The following SLC9A4 variants were observed in gnomAD, a reference collection of about 807,000 sequenced individuals.
SLC9A4 encodes the protein sodium/hydrogen exchanger 4.
SLC9A4 carries 63 observed loss-of-function variants against 67.4 expected under a neutral mutation model. The observed-to-expected ratio is 0.93, with a 90% confidence interval of 0.76 to 1.15. SLC9A4 has a LOEUF of 1.15. Ranked by LOEUF, SLC9A4 falls within the 50% of genes most tolerant of loss-of-function variation. The pLI is 0.00. For missense variants in SLC9A4, 1,089 were observed against 987.7 expected, an observed-to-expected ratio of 1.10 and a Z score of -1.38; for synonymous variants, 393 against 367.2, an observed-to-expected ratio of 1.07 and a Z score of -0.80.
rs531369031 is a variant in SLC9A4 at position 102,532,794 on chromosome 2, G to A, written c.*106G>A. ...AGAAGAGAGCTATTGAGTTTGCTGT[G>A]TTGAAGCTATTAAACATGGATCTAT... On this transcript the variant is annotated 3_prime_UTR_variant, in exon 12 of 12. Coordinates refer to ENST00000295269, the MANE Select transcript of SLC9A4 (RefSeq NM_001011552.4). The A allele has an allele frequency of 4.8e-5, 59 of 1,221,392 alleles. No homozygotes were observed. The South Asian group carries it at 8.6e-4, about 18-fold the overall frequency. The allele number at this position is 1,221,392 out of a possible 1,614,324, so 75.7% of individuals were successfully genotyped here.
chr2:102,487,534 G>A (rs535547634), intron 2 of SLC9A4, among the ~76,000 whole-genome samples: 2 of 152,270 alleles, frequency 1.3e-5, no homozygotes, highest in East Asian at 3.9e-4. Context: ...GGACAGGGCT[G>A]GAGGGGCACT....
intron 1 of SLC9A4, among the ~76,000 whole-genome samples, chr2:102,478,621 G>C (rs1439802460): frequency 6.6e-6 from 1 of 152,194 alleles, no homozygotes; most frequent in African/African-American, 2.4e-5. Context: ...GGGGCAGCTG[G>C]CTGTGAATGA....
At chr2:102,494,409 G>T (rs1268634770) in intron 2 of SLC9A4, among the ~76,000 whole-genome samples, 1 of 149,058 alleles carries the variant, frequency 6.7e-6, no homozygotes, top group African/African-American at 2.6e-5. Context: ...AATGAATGCA[G>T]GAAGAGACAA....
chr2:102,501,201 A>C (rs938430631), intron 2 of SLC9A4, among the ~76,000 whole-genome samples: 5 of 151,612 alleles, frequency 3.3e-5, no homozygotes, highest in Non-Finnish European at 5.9e-5. Context: ...AGCTTACTGC[A>C]ACCTCCACTT....
chr2:102,493,645 G>A (rs1382153872), intron 2 of SLC9A4, among the ~76,000 whole-genome samples: 1 of 151,546 alleles, frequency 6.6e-6, no homozygotes, highest in Admixed American at 6.6e-5. Context: ...ATTTGGGTGG[G>A]GACACAGCCA....
rs149578748 is a variant in SLC9A4, at chr2:102,473,800, G to C, written c.41G>C (p.Cys14Ser). 6.2e-7 allele frequency: 1 copy of C among 1,614,078 alleles called. No homozygotes were observed. The highest frequency in any genetic ancestry group is 1.3e-5 in the African/African-American group (1 of 75,040). ...TTCGTGACTTACAGTCCTTGGAATTGTTTGCTACTGCTAGTGGCTCTTGAG... is the reference window on the plus strand; with the variant it reads ...TTCGTGACTTACAGTCCTTGGAATTCTTTGCTACTGCTAGTGGCTCTTGAG... ...QMFVTYSPWNCLLLLVALECS... is the reference protein window; with the variant it reads ...QMFVTYSPWNSLLLLVALECS... Residue 14 changes from cysteine (C) to serine (S), a missense_variant, in exon 1 of 12, where the codon TGT (cysteine) becomes TCT (serine). By Grantham distance (112) the Cys-to-Ser change is moderately radical. Coordinates refer to ENST00000295269, the MANE Select transcript of SLC9A4 (RefSeq NM_001011552.4).
chr2:102,487,497 C>T (rs955361525), intron 2 of SLC9A4, among the ~76,000 whole-genome samples: 12 of 152,132 alleles, frequency 7.9e-5, no homozygotes, highest in Non-Finnish European at 1.8e-4. Flanking sequence ...GGGGTGTGGG[C>T]TAATCCTTGG....
At chr2:102,509,007 T>C (rs6742381) in intron 6 of SLC9A4, 74 bp downstream of exon 6, 911,092 of 1,217,794 alleles carry the variant, frequency 0.75, 344,590 homozygotes, top group Middle Eastern at 0.8. Context: ...CATGTGCACG[T>C]GTCACTAGAC....
At chr2:102,493,027 A>G (rs1394009446) in intron 2 of SLC9A4, among the ~76,000 whole-genome samples, 1 of 152,232 alleles carries the variant, frequency 6.6e-6, no homozygotes, top group East Asian at 1.9e-4. Context: ...TAAGTTGTTC[A>G]TCTCCATCTG....
At chr2:102,519,565 A>G (rs1043092645) in intron 8 of SLC9A4, among the ~76,000 whole-genome samples, 2 of 152,212 alleles carry the variant, frequency 1.3e-5, no homozygotes, top group Non-Finnish European at 2.9e-5. Context: ...ATTTCAGTCT[A>G]TAACAGATTT....
chr2:102,476,105 A>G (rs1267127296), intron 1 of SLC9A4, among the ~76,000 whole-genome samples: 2 of 152,216 alleles, frequency 1.3e-5, no homozygotes, highest in African/African-American at 4.8e-5. Flanking sequence ...CTCTGACAGA[A>G]AAACATCAAA....
rs747839228 is a variant in SLC9A4, at chr2:102,519,908, T to C, written c.1771T>C (p.Ser591Pro). Reference sequence around the variant, plus strand: ...AAGACTTTCCCCTGAAGATGTGGAGTCCATAAGGGACATTCTGACATCCAA... The same window carrying C: ...AAGACTTTCCCCTGAAGATGTGGAGCCCATAAGGGACATTCTGACATCCAA... ...IKRLSPEDVESIRDILTSNMY... is the reference protein window; with the variant it reads ...IKRLSPEDVEPIRDILTSNMY... The change falls in exon 9 of 12, where the codon TCC becomes CCC. Residue 591 changes from serine (S) to proline (P), a missense_variant. Physicochemically the swap from Ser to Pro is moderately conservative, Grantham distance 74 (BLOSUM62 -1). Coordinates refer to ENST00000295269, the MANE Select transcript of SLC9A4 (RefSeq NM_001011552.4). 2.5e-6 allele frequency: 4 copies of C among 1,613,578 alleles called. No homozygotes were observed. The highest frequency in any genetic ancestry group is 3.4e-6 in the Non-Finnish European group (4 of 1,179,714).
At chr2:102,523,282 C>T (rs969507465) in intron 9 of SLC9A4, among the ~76,000 whole-genome samples, 3 of 152,088 alleles carry the variant, frequency 2.0e-5, no homozygotes, top group Admixed American at 6.6e-5. Context: ...CCAGTTTACA[C>T]CTTCTTTACA....
chr2:102,499,498 C>T lies in SLC9A4; in HGVS notation c.721-3950C>T, dbSNP rs117240496. Among the ~76,000 whole-genome samples, 779 of 152,126 alleles carry T rather than the reference C, an allele frequency of 5.1e-3. 2 individuals are homozygous for T. Among genetic ancestry groups the T allele is most frequent in the East Asian group, 0.023 (121 of 5,174 alleles). On this transcript the variant is annotated intron_variant, in intron 2 of 11. Coordinates refer to ENST00000295269, the MANE Select transcript of SLC9A4 (RefSeq NM_001011552.4). ...TTTTTAAGTAATTCTTTTCCTAATACGAGAAATTCACAATGTTCATGGTAT... is the reference window on the plus strand; with the variant it reads ...TTTTTAAGTAATTCTTTTCCTAATATGAGAAATTCACAATGTTCATGGTAT...
chr2:102,500,260 G>A (rs368477170), intron 2 of SLC9A4, among the ~76,000 whole-genome samples: 54 of 152,214 alleles, frequency 3.5e-4, no homozygotes, highest in Admixed American at 1.7e-3. Context: ...GAGGACTGCC[G>A]GCAGTCACCA....
intron 2 of SLC9A4, among the ~76,000 whole-genome samples, chr2:102,492,535 A>G (rs990052417): frequency 2.6e-5 from 4 of 152,220 alleles, no homozygotes; most frequent in African/African-American, 9.6e-5. Flanking sequence ...GGCCCCTTTT[A>G]GCCACAGCTG....
chr2:102,512,067 T>C, intron 6 of SLC9A4, 136 bp from the exon 7 acceptor site: 2 of 830,696 alleles, frequency 2.4e-6, no homozygotes, highest in Non-Finnish European at 3.8e-6. Flanking sequence ...TTTTATTACA[T>C]GAACACAGTG....
chr2:102,498,645 C>A (rs545665154), intron 2 of SLC9A4, among the ~76,000 whole-genome samples: 1 of 152,216 alleles, frequency 6.6e-6, no homozygotes, highest in African/African-American at 2.4e-5. Context: ...AATACTCAGG[C>A]CTTCTAAGAC....
In SLC9A4 at chr2:102,494,691, G is replaced by A. The variant is rs538223137; in HGVS notation, c.721-8757G>A. Among the ~76,000 whole-genome samples, 223 of 152,068 alleles carry A rather than the reference G, an allele frequency of 1.5e-3. 3 individuals are homozygous for A. Among genetic ancestry groups the A allele is most frequent in the African/African-American group, 4.7e-3 (194 of 41,526 alleles). On this transcript the variant is annotated intron_variant, in intron 2 of 11. Coordinates refer to ENST00000295269, the MANE Select transcript of SLC9A4 (RefSeq NM_001011552.4). Reference sequence around the variant, plus strand: ...AGCATAAGAATGTTGATTTGGCTACGTTAATATCAGTTAAAAGACATAAAG... The same window carrying A: ...AGCATAAGAATGTTGATTTGGCTACATTAATATCAGTTAAAAGACATAAAG...
Sources: gnomAD v4.1 joint callset for allele counts (sites outside exome capture counted in the v4.1 genomes callset) on GRCh38, gnomAD v4.1.1 for gene constraint, MANE v1.5 for transcripts, NCBI Gene and HGNC (gene_info 2026-07-23, HGNC 2026-07-21) for gene names.